Variants in EFCAB11 observed in about 807,000 individuals in gnomAD.
EFCAB11 encodes EF-hand calcium-binding domain-containing protein 11.
EFCAB11 carries 14 observed loss-of-function variants against 23.0 expected under a neutral mutation model. The observed-to-expected ratio is 0.61, with a 90% CI of 0.40 to 0.95. The LOEUF (loss-of-function observed/expected upper bound fraction) is 0.95. Ranked by LOEUF, EFCAB11 falls within the 40% of genes least tolerant of loss-of-function variation. The pLI is 0.00. For synonymous variants in EFCAB11, 65 were observed against 66.6 expected, an observed-to-expected ratio of 0.98 and a Z score of 0.11; for missense variants, 198 against 195.8, an observed-to-expected ratio of 1.01 and a Z score of -0.07.
intron 5 of EFCAB11, among the ~76,000 whole-genome samples, chr14:89,815,612 G>T (rs527604976): frequency 3.9e-5 from 6 of 152,232 alleles, no homozygotes; most frequent in African/African-American, 1.2e-4. Context: ...TTTCAGTAGA[G>T]ACGGGGTTTC....
chr14:89,797,348 T>C (rs774060304), intron 5 of EFCAB11, 24 bp from the exon 6 acceptor site: 1 of 1,606,682 alleles, frequency 6.2e-7, no homozygotes, highest in East Asian at 2.2e-5. Context: ...CAAAAAGTCA[T>C]TTACACATTA....
At position 89,886,887 on chromosome 14, in the gene EFCAB11, T is replaced by C. The variant is rs554251640; in HGVS notation, c.410+44654A>G. ...AGGCTTAGAGATTAAATATATCCAT[T>C]GTTAACTTTTTAGTTAGCTAATTAT... On this transcript the variant is annotated intron_variant, in intron 5 of 5. Coordinates refer to ENST00000316738, the MANE Select transcript of EFCAB11 (RefSeq NM_145231.4). 1.9e-3 allele frequency among the ~76,000 whole-genome samples: 283 copies of C among 152,342 alleles called. 1 individual carries two copies. Among genetic ancestry groups the C allele is most frequent in the African/African-American group, 6.6e-3 (273 of 41,574 alleles).
intron 5 of EFCAB11, among the ~76,000 whole-genome samples, chr14:89,859,297 A>G (rs1022235253): frequency 6.6e-6 from 1 of 152,148 alleles, no homozygotes. Context: ...CCTCTCATTT[A>G]TTATTTATTA....
At position 89,932,698 on chromosome 14, in the gene EFCAB11, T is replaced by C. The variant is rs866074950; in HGVS notation, c.218-71A>G. ...TCTTTAAGAAAAAATTAAACAGAAA[T>C]GGACAGTAATAAATCTCACCAATAA... is the stretch of plus-strand genomic sequence containing the variant. On this transcript the variant is annotated intron_variant, in intron 3 of 5. Transcript: ENST00000316738. The C allele has an allele frequency of 4.7e-5, 55 of 1,169,668 alleles. No homozygotes were observed. In the Middle Eastern group the frequency reaches 2.5e-3, roughly 54 times the overall value. The allele number at this position is 1,169,668 out of a possible 1,614,324, so 72.5% of individuals were successfully genotyped here.
chr14:89,828,961 C>T (rs968027006), intron 5 of EFCAB11, among the ~76,000 whole-genome samples: 1 of 152,156 alleles, frequency 6.6e-6, no homozygotes, highest in African/African-American at 2.4e-5. Flanking sequence ...GAAGGCTAAC[C>T]CATGGAGCAG....
At chr14:89,811,583 G>A (rs774551988) in intron 5 of EFCAB11, among the ~76,000 whole-genome samples, 43 of 152,100 alleles carry the variant, frequency 2.8e-4, no homozygotes, top group Non-Finnish European at 4.9e-4. Context: ...AGGAGAGGGC[G>A]TACAAGAATC....
At chr14:89,824,750 G>T (rs1886634111) in intron 5 of EFCAB11, among the ~76,000 whole-genome samples, 2 of 152,032 alleles carry the variant, frequency 1.3e-5, no homozygotes, top group Admixed American at 1.3e-4. Context: ...AAAAAATACT[G>T]GTGGAGATAA....
intron 5 of EFCAB11, among the ~76,000 whole-genome samples, chr14:89,832,605 A>G (rs1886921224): frequency 6.6e-6 from 1 of 152,236 alleles, no homozygotes; most frequent in Admixed American, 6.5e-5. Context: ...AGTTGTAAAT[A>G]TCGTAAGCTG....
At chr14:89,923,829 A>C (rs1183641008) in intron 5 of EFCAB11, 1 of 985,330 alleles carries the variant, frequency 1.0e-6, no homozygotes, top group Non-Finnish European at 1.2e-6. Context: ...ATACTCCACA[A>C]GTTGGCTGCT....
intron 5 of EFCAB11, among the ~76,000 whole-genome samples, chr14:89,835,882 C>A (rs1368671272): frequency 6.6e-6 from 1 of 151,372 alleles, no homozygotes; most frequent in Admixed American, 6.6e-5. Context: ...CCTGCCTCGG[C>A]CTCCCAAAGT....
Position 89,812,333 on chromosome 14 carries a change from C to T in EFCAB11, c.411-15009G>A, listed in dbSNP as rs1001444832. Among the ~76,000 whole-genome samples, 29 of 152,176 alleles carry T rather than the reference C, an allele frequency of 1.9e-4. 2 individuals carry two copies. Among genetic ancestry groups the T allele is most frequent in the Admixed American group, 3.3e-4 (5 of 15,282 alleles). On this transcript the variant is annotated intron_variant, in intron 5 of 5. Transcript: ENST00000316738. ...TTTGAAAATGTGCAGGGACAAGCCA[C>T]GTGTGTATTCCTGGATGGGAAGACT...
At chr14:89,924,542 A>G in intron 5 of EFCAB11, 1 of 1,503,026 alleles carries the variant, frequency 6.7e-7, no homozygotes, top group Non-Finnish European at 8.8e-7. Context: ...CTAGGCATGG[A>G]GAAGTAAACA....
At chr14:89,831,315 T>C (rs528297279) in intron 5 of EFCAB11, 1 of 152,220 alleles carries the variant, frequency 6.6e-6, no homozygotes, top group Non-Finnish European at 1.5e-5. Context: ...AATCTGGTTT[T>C]GAACATGGAG....
intron 5 of EFCAB11, among the ~76,000 whole-genome samples, chr14:89,921,330 G>A (rs949629227): frequency 2.6e-5 from 4 of 152,192 alleles, no homozygotes; most frequent in African/African-American, 9.7e-5. Context: ...GTTTCTGTCT[G>A]TAGGGGCCTT....
chr14:89,940,323 A>G (rs1890746703), intron 3 of EFCAB11, among the ~76,000 whole-genome samples: 1 of 152,224 alleles, frequency 6.6e-6, no homozygotes, highest in South Asian at 2.1e-4. Flanking sequence ...TCTTTGTTCC[A>G]TAGGAGCCAA....
intron 5 of EFCAB11, among the ~76,000 whole-genome samples, chr14:89,843,625 T>C (rs921451587): frequency 2.0e-5 from 3 of 152,238 alleles, no homozygotes; most frequent in Admixed American, 1.3e-4. Flanking sequence ...AGCTGCAGTG[T>C]AGAATTTGAA....
intron 2 of EFCAB11, among the ~76,000 whole-genome samples, chr14:89,952,032 G>T (rs923873195): frequency 6.6e-6 from 1 of 152,076 alleles, no homozygotes; most frequent in Non-Finnish European, 1.5e-5. Flanking sequence ...TATTTCATTT[G>T]CTCAAAAGCA....
intron 3 of EFCAB11, among the ~76,000 whole-genome samples, chr14:89,942,957 T>C (rs550276977): frequency 3.8e-4 from 58 of 152,172 alleles, no homozygotes; most frequent in Non-Finnish European, 7.6e-4. Flanking sequence ...TTAGGTATAA[T>C]CCCGAACCCA....
At chr14:89,929,018 T>C (rs1266695597) in intron 5 of EFCAB11, among the ~76,000 whole-genome samples, 1 of 127,516 alleles carries the variant, frequency 7.8e-6, no homozygotes, top group Non-Finnish European at 1.7e-5. Flanking sequence ...AAGATGGACA[T>C]ATAAATACAT....
Sources: gnomAD v4.1 joint callset for allele counts (sites outside exome capture counted in the v4.1 genomes callset) on GRCh38, gnomAD v4.1.1 for gene constraint, MANE v1.5 for transcripts, NCBI Gene and HGNC (gene_info 2026-07-23, HGNC 2026-07-21) for gene names.